The following TBC1D9 variants were observed in gnomAD, a reference collection of about 807,000 sequenced individuals.
The protein encoded by TBC1D9 is TBC1 domain family member 9.
TBC1D9 carries 63 observed loss-of-function variants against 132.0 expected under a neutral mutation model. That is an observed-to-expected ratio of 0.48 (90% CI 0.39 to 0.59). TBC1D9 has a LOEUF of 0.59. Among genes scored for constraint, TBC1D9 ranks in the 20% least tolerant of loss-of-function variants. The pLI, the probability that TBC1D9 is intolerant of heterozygous loss-of-function variation, is 0.00. For synonymous variants in TBC1D9, 610 were observed against 609.9 expected (o/e 1.00, Z 0.00); for missense variants, 1,261 against 1,592.7 (o/e 0.79, Z 3.54).
intron 13 of TBC1D9, among the ~76,000 whole-genome samples, chr4:140,646,740 TTCCCAG>T (rs1737108474): frequency 6.6e-6 from 1 of 152,216 alleles, no homozygotes; most frequent in Non-Finnish European, 1.5e-5. Context: ...TCTCTGAATC[TTCCCAG>T]TCCATGTTCC....
intron 13 of TBC1D9, chr4:140,642,480 T>G (rs1202216517): frequency 1.9e-6 from 2 of 1,031,510 alleles, no homozygotes; most frequent in Non-Finnish European, 3.0e-6. Flanking sequence ...TGCCAGTTTT[T>G]GATTTCCCCC....
At chr4:140,729,339 T>C (rs1738549970) in intron 1 of TBC1D9, among the ~76,000 whole-genome samples, 1 of 152,168 alleles carries the variant, frequency 6.6e-6, no homozygotes, top group African/African-American at 2.4e-5. Context: ...CAATGAGATT[T>C]AACTAATCCC....
chr4:140,666,625 A>G (rs1737449665), intron 9 of TBC1D9, among the ~76,000 whole-genome samples: 1 of 152,068 alleles, frequency 6.6e-6, no homozygotes. Context: ...GGCGTGAGCC[A>G]CCGCGCCCAG....
chr4:140,728,385 T>G (rs551038056), intron 1 of TBC1D9, among the ~76,000 whole-genome samples: 1 of 141,344 alleles, frequency 7.1e-6, no homozygotes, highest in Admixed American at 7.2e-5. Flanking sequence ...ATTAAAAAAT[T>G]TTTAACTTTA....
chr4:140,654,956 T>C lies in TBC1D9; in HGVS notation c.2337+2141A>G, dbSNP rs185922171. On this transcript the variant is annotated intron_variant, in intron 13 of 20. Transcript: ENST00000442267. ...AAAATTTGGAAGAAATCGAAGTAAA[T>C]GTCTAACAAAAGGGAACTAGGTAAA... Among the ~76,000 whole-genome samples the C allele has an allele frequency of 4.6e-5, 7 of 152,222 alleles. No individual in the cohort carries two copies. The East Asian group carries it at 1.3e-3, about 29-fold the overall frequency.
chr4:140,719,859 T>C (rs1254847758), intron 1 of TBC1D9, among the ~76,000 whole-genome samples: 2 of 151,838 alleles, frequency 1.3e-5, no homozygotes, highest in African/African-American at 2.4e-5. Flanking sequence ...CCTCCTGGAG[T>C]TGGGTTTGGT....
chr4:140,670,775 G>A lies in TBC1D9; in HGVS notation c.1211C>T (p.Ser404Phe). Residue 404 changes from serine to phenylalanine, a missense_variant, in exon 7 of 21, where the codon TCC (serine) becomes TTC (phenylalanine). Physicochemically the swap from Ser to Phe is radical, Grantham distance 155. Transcript: ENST00000442267. The stretch of plus-strand genomic sequence containing the variant: ...AAACTCCTTGTCAGAATATATTTTG[G>A]AAGTAGTCTGTTGCAGGAAATCTGA... ...RISDFLQQTTSKIYSDKEFAG... is the reference protein window; with the variant it reads ...RISDFLQQTTFKIYSDKEFAG... 6.2e-7 allele frequency: 1 copy of A among 1,614,002 alleles called. No individual in the cohort carries two copies. Among genetic ancestry groups the A allele is most frequent in the South Asian group, 1.1e-5 (1 of 91,076 alleles).
chr4:140,641,019 C>T (rs1736979974), intron 13 of TBC1D9, among the ~76,000 whole-genome samples: 1 of 137,866 alleles, frequency 7.3e-6, no homozygotes. Flanking sequence ...ATGGCAATAT[C>T]ATCACATAAT....
intron 13 of TBC1D9, among the ~76,000 whole-genome samples, chr4:140,646,518 T>C (rs1737105277): frequency 6.6e-6 from 1 of 152,248 alleles, no homozygotes; most frequent in Non-Finnish European, 1.5e-5. Context: ...CCTGTATTTT[T>C]TTCTGACATC....
intron 9 of TBC1D9, among the ~76,000 whole-genome samples, chr4:140,662,578 C>T (rs1238396704): frequency 6.6e-6 from 1 of 152,192 alleles, no homozygotes; most frequent in African/African-American, 2.4e-5. Context: ...TGCCTGCTAA[C>T]GTGTTAGCTC....
At chr4:140,644,344 A>G in intron 13 of TBC1D9, 1 of 277,722 alleles carries the variant, frequency 3.6e-6, no homozygotes, top group Non-Finnish European at 7.2e-6. Flanking sequence ...GTGGGGTGGG[A>G]GCTAGGGGTA....
intron 13 of TBC1D9, among the ~76,000 whole-genome samples, chr4:140,647,369 C>G (rs1737119307): frequency 6.6e-6 from 1 of 152,176 alleles, no homozygotes; most frequent in Non-Finnish European, 1.5e-5. Flanking sequence ...AACTACCATT[C>G]TATCATAGGC....
intron 5 of TBC1D9, among the ~76,000 whole-genome samples, chr4:140,677,806 C>A (rs986586275): frequency 6.6e-6 from 1 of 152,176 alleles, no homozygotes; most frequent in African/African-American, 2.4e-5. Flanking sequence ...TCCATCCTCA[C>A]CTACTCTTAC....
chr4:140,668,495 A>T (rs912066398), intron 9 of TBC1D9, among the ~76,000 whole-genome samples: 1 of 152,006 alleles, frequency 6.6e-6, no homozygotes, highest in African/African-American at 2.4e-5. Context: ...TATTCCTCTT[A>T]TTTCTTTCCT....
At chr4:140,665,409 A>C (rs1250751589) in intron 9 of TBC1D9, among the ~76,000 whole-genome samples, 1 of 152,208 alleles carries the variant, frequency 6.6e-6, no homozygotes, top group Non-Finnish European at 1.5e-5. Flanking sequence ...AGATAACCCA[A>C]TTAAGAGCAG....
intron 1 of TBC1D9, among the ~76,000 whole-genome samples, chr4:140,702,935 A>G (rs578201512): frequency 1.3e-5 from 2 of 152,172 alleles, no homozygotes; most frequent in Non-Finnish European, 2.9e-5. Flanking sequence ...TTATTTCCAA[A>G]AATCTCCCTT....
rs1458068547 is a variant in TBC1D9 at position 140,679,721 on chromosome 4, G to A, written c.483C>T (p.Val161=). 6.2e-7 allele frequency: 1 copy of A among 1,613,710 alleles called. No individual in the cohort carries two copies. Among genetic ancestry groups the A allele is most frequent in the Admixed American group, 1.7e-5 (1 of 59,988 alleles). ...TCCAATAGCTGCAAGAGTAATAGTT[G>A]ACGAGTTTCTCTTCCTCTGGCATCC... ...LFGMPEEEKL[V]NYYSCSYWKG... The change falls in exon 4 of 21, where the codon GTC becomes GTT. Residue 161 remains valine (V), a synonymous_variant. Coordinates refer to ENST00000442267, the MANE Select transcript of TBC1D9 (RefSeq NM_015130.3).
intron 1 of TBC1D9, among the ~76,000 whole-genome samples, chr4:140,729,594 A>G (rs750097564): frequency 6.6e-6 from 1 of 152,056 alleles, no homozygotes; most frequent in Non-Finnish European, 1.5e-5. Context: ...GTAAGGCAGA[A>G]GGAGCATGAG....
At chr4:140,694,492 A>T (rs1737921244) in intron 2 of TBC1D9, among the ~76,000 whole-genome samples, 1 of 151,664 alleles carries the variant, frequency 6.6e-6, no homozygotes, top group Non-Finnish European at 1.5e-5. Context: ...AATCACCTGA[A>T]GCTGGGAGTT....
Sources: allele counts gnomAD v4.1 joint callset (sites outside exome capture counted in the v4.1 genomes callset), GRCh38; gene constraint gnomAD v4.1.1; transcripts MANE v1.5; gene names NCBI Gene and HGNC (gene_info 2026-07-23, HGNC 2026-07-21).